The following AKAP7 variants were observed in gnomAD, a reference collection of about 807,000 sequenced individuals.
The protein encoded by AKAP7 is A kinase (PRKA) anchor protein 7.
A neutral mutation model predicts 39.5 loss-of-function variants in AKAP7; 39 were observed. The ratio of observed to expected loss-of-function variants is 0.99; its 90% CI spans 0.76 to 1.29. AKAP7 has a LOEUF of 1.29. Among genes scored for constraint, AKAP7 ranks in the 50% most tolerant of loss-of-function variants. The probability of loss-of-function intolerance (pLI) is 0.00; values close to 1 mark genes in which losing one functional copy is unlikely to be tolerated. For synonymous variants in AKAP7, 140 were observed against 139.1 expected (o/e 1.01, Z -0.05); for missense variants, 414 against 407.7 (o/e 1.02, Z -0.13).
chr6:131,169,586 C>T (rs965171184), intron 5 of AKAP7, among the ~76,000 whole-genome samples: 2 of 152,180 alleles, frequency 1.3e-5, no homozygotes, highest in African/African-American at 2.4e-5. Flanking sequence ...TTATGCTGCT[C>T]CCCTCCACCC....
chr6:131,159,433 A>G (rs10457567), intron 2 of AKAP7, among the ~76,000 whole-genome samples: 30,255 of 152,160 alleles, frequency 0.2, 3,710 homozygotes, highest in Non-Finnish European at 0.27. Context: ...TTTGTTGCCA[A>G]TGGATACTTT....
intron 2 of AKAP7, among the ~76,000 whole-genome samples, chr6:131,154,646 A>G (rs1013085276): frequency 1.3e-5 from 2 of 152,094 alleles, no homozygotes; most frequent in African/African-American, 4.8e-5. Context: ...TTAAAAGGTA[A>G]AGAATCTTTA....
chr6:131,232,352 C>T (rs1425073720), intron 7 of AKAP7, among the ~76,000 whole-genome samples: 1 of 152,094 alleles, frequency 6.6e-6, no homozygotes, highest in Non-Finnish European at 1.5e-5. Flanking sequence ...GAATGAAATT[C>T]TTAGTGTGCA....
chr6:131,161,454 G>C (rs1802937482), intron 3 of AKAP7, among the ~76,000 whole-genome samples: 1 of 151,552 alleles, frequency 6.6e-6, no homozygotes, highest in South Asian at 2.1e-4. Flanking sequence ...AGACCAGCCT[G>C]GGCAACATGG....
chr6:131,193,942 G>C (rs1014573047), intron 5 of AKAP7, among the ~76,000 whole-genome samples: 5 of 151,680 alleles, frequency 3.3e-5, no homozygotes, highest in Non-Finnish European at 5.9e-5. Context: ...TTCTATCTTT[G>C]TTCTTAGTCT....
Position 131,282,425 on chromosome 6 carries a change from T to G in AKAP7, c.*699T>G. Reference sequence around the variant, plus strand: ...CAAGAAACCTATTGGAATTCGAGACTTAATTAATGAAGCTTTGCATCGAGA... The same window carrying G: ...CAAGAAACCTATTGGAATTCGAGACGTAATTAATGAAGCTTTGCATCGAGA... On this transcript the variant is annotated 3_prime_UTR_variant, in exon 8 of 8. Transcript: ENST00000431975. The G allele has an allele frequency of 6.6e-7, 1 of 1,516,924 alleles. No homozygotes were observed. The highest frequency in any genetic ancestry group is 1.4e-5 in the African/African-American group (1 of 72,644). 94.0% of individuals were successfully genotyped at this position (1,516,924 alleles called of 1,614,324 possible). A position where few individuals can be genotyped will look rare whatever the true frequency, so the allele number is the denominator to read the frequency against.
At chr6:131,278,955 G>A (rs1291483694) in intron 7 of AKAP7, among the ~76,000 whole-genome samples, 1 of 152,170 alleles carries the variant, frequency 6.6e-6, no homozygotes, top group African/African-American at 2.4e-5. Flanking sequence ...AGGAGATGTT[G>A]GAAGCTGACA....
chr6:131,175,589 TG>T (rs1585014017), intron 5 of AKAP7, among the ~76,000 whole-genome samples: 2 of 152,302 alleles, frequency 1.3e-5, no homozygotes, highest in East Asian at 3.9e-4. Flanking sequence ...AAGTCTAAAT[TG>T]ATGAGCTTTT....
intron 1 of AKAP7, chr6:131,136,849 T>C (rs1367794778): frequency 1.0e-6 from 1 of 985,246 alleles, no homozygotes. Context: ...ACGTGTAAGA[T>C]GCTAATACTA....
intron 7 of AKAP7, among the ~76,000 whole-genome samples, chr6:131,272,541 G>A (rs549462473): frequency 3.7e-4 from 57 of 152,142 alleles, no homozygotes; most frequent in Non-Finnish European, 6.6e-4. Flanking sequence ...CCACAAATTT[G>A]ATATGTTTTG....
At chr6:131,138,005 T>C (rs1347969517) in intron 1 of AKAP7, among the ~76,000 whole-genome samples, 1 of 152,182 alleles carries the variant, frequency 6.6e-6, no homozygotes, top group Non-Finnish European at 1.5e-5. Context: ...TTCATAGTCA[T>C]TGTTCGTAGT....
chr6:131,163,044 G>A (rs940735846), intron 3 of AKAP7, among the ~76,000 whole-genome samples: 13 of 152,104 alleles, frequency 8.5e-5, no homozygotes, highest in South Asian at 2.1e-4. Context: ...TGGCAAAAGC[G>A]TGTTTCTGTC....
intron 3 of AKAP7, chr6:131,164,277 T>C (rs1803262228): frequency 1.1e-5 from 5 of 435,024 alleles, no homozygotes; most frequent in South Asian, 8.1e-5. Context: ...TTGTTTTTTT[T>C]CTGGGTTTGC....
At chr6:131,253,311 G>A (rs1399224593) in intron 7 of AKAP7, among the ~76,000 whole-genome samples, 2 of 152,134 alleles carry the variant, frequency 1.3e-5, no homozygotes, top group Non-Finnish European at 2.9e-5. Flanking sequence ...TGCATACCCA[G>A]AAATATTCTT....
intron 5 of AKAP7, among the ~76,000 whole-genome samples, chr6:131,187,782 C>T (rs921798475): frequency 7.2e-5 from 11 of 152,180 alleles, no homozygotes; most frequent in Non-Finnish European, 1.6e-4. Flanking sequence ...TCTCTCTTCC[C>T]TCATTTACAT....
chr6:131,282,725 T>C lies in AKAP7; in HGVS notation c.*999T>C. The C allele has an allele frequency of 1.3e-6, 1 of 751,682 alleles. No homozygotes were observed. Among genetic ancestry groups the C allele is most frequent in the Non-Finnish European group, 1.9e-6 (1 of 514,676 alleles). The allele number at this position is 751,682 out of a possible 1,614,324, so 46.6% of individuals were successfully genotyped here. A position where few individuals can be genotyped will look rare whatever the true frequency, so the allele number is the denominator to read the frequency against. On this transcript the variant is annotated 3_prime_UTR_variant, in exon 8 of 8. Transcript: ENST00000431975. ...TGCACAACAGCAAACCAACATTTGG[T>C]GAGGAATTAGCAATTTCTTGCCAAA...
intron 7 of AKAP7, among the ~76,000 whole-genome samples, chr6:131,229,302 CAG>C (rs1287844686): frequency 1.4e-4 from 21 of 152,116 alleles, no homozygotes; most frequent in Admixed American, 6.5e-4. Flanking sequence ...AGGTGCTTGA[CAG>C]AGCACACAGT....
chr6:131,185,515 G>T, intron 5 of AKAP7: 2 of 285,752 alleles, frequency 7.0e-6, no homozygotes, highest in Non-Finnish European at 1.3e-5. Flanking sequence ...TCCAGTAATG[G>T]CCATTCTAAT....
chr6:131,197,812 G>T (rs556071677), intron 5 of AKAP7, among the ~76,000 whole-genome samples: 1 of 152,256 alleles, frequency 6.6e-6, no homozygotes, highest in African/African-American at 2.4e-5. Flanking sequence ...TGGAGTCAAA[G>T]GAATGAGAAA....
Sources: allele counts gnomAD v4.1 joint callset (sites outside exome capture counted in the v4.1 genomes callset), GRCh38; gene constraint gnomAD v4.1.1; transcripts MANE v1.5; gene names NCBI Gene and HGNC (gene_info 2026-07-23, HGNC 2026-07-21).